GPC6: variants seen among roughly 807,000 people sequenced by gnomAD.
The protein encoded by GPC6 is glypican 6, also known as glypican-6.
Under a neutral mutation model 55.2 loss-of-function variants are expected in GPC6, and 14 were observed. That is an observed-to-expected ratio of 0.25 (90% confidence interval 0.17 to 0.40). GPC6 has a LOEUF of 0.40. Ranked by LOEUF, GPC6 falls within the 10% of genes least tolerant of loss-of-function variation. GPC6 has a pLI of 1.00. For missense variants in GPC6, 641 were observed against 708.5 expected (o/e 0.90, Z 1.08); for synonymous variants, 278 against 259.6 (o/e 1.07, Z -0.68).
intron 1 of GPC6, among the ~76,000 whole-genome samples, chr13:93,399,364 GC>G (rs1187603568): frequency 1.3e-5 from 2 of 152,290 alleles, no homozygotes; most frequent in East Asian, 3.9e-4. Context: ...CAGAAACCAT[GC>G]CTGATTTGTT....
chr13:93,739,369 CTT>C (rs1334937964), intron 2 of GPC6, among the ~76,000 whole-genome samples: 2 of 151,606 alleles, frequency 1.3e-5, no homozygotes, highest in African/African-American at 2.4e-5. Context: ...TCAAAAGAAA[CTT>C]TTAATTATAC....
intron 2 of GPC6, among the ~76,000 whole-genome samples, chr13:93,793,060 G>A (rs890288147): frequency 6.6e-6 from 1 of 152,094 alleles, no homozygotes; most frequent in Non-Finnish European, 1.5e-5. Context: ...TTTGAAATGA[G>A]GACCTATTAA....
chr13:93,250,370 A>G (rs887512554), intron 1 of GPC6, among the ~76,000 whole-genome samples: 2 of 152,180 alleles, frequency 1.3e-5, no homozygotes, highest in South Asian at 2.1e-4. Flanking sequence ...GCTGGCCTGC[A>G]TATCTGGGGG....
intron 6 of GPC6, 105 bp downstream of exon 6, chr13:94,306,228 C>G: frequency 9.0e-7 from 1 of 1,110,008 alleles, no homozygotes; most frequent in Non-Finnish European, 1.4e-6. Flanking sequence ...AGAGTCATCT[C>G]ATGCTTATAT....
intron 4 of GPC6, among the ~76,000 whole-genome samples, chr13:94,046,438 G>T (rs1007594106): frequency 6.6e-6 from 1 of 151,972 alleles, no homozygotes. Flanking sequence ...TTATTGTGTG[G>T]ACATGCCTCA....
At position 93,642,454 on chromosome 13, in the gene GPC6, A is replaced by C. The variant is rs572368021; in HGVS notation, c.319+97033A>C. 1.2e-4 allele frequency among the ~76,000 whole-genome samples: 18 copies of C among 152,162 alleles called. No individual in the cohort carries two copies. In the South Asian group the frequency reaches 3.7e-3, roughly 32 times the overall value. Reference sequence around the variant, plus strand: ...TTGGGAATAGCACTGCAATGAACATATGTGTGTGTGCTTGTGTCCTTTTGG... The same window carrying C: ...TTGGGAATAGCACTGCAATGAACATCTGTGTGTGTGCTTGTGTCCTTTTGG... On this transcript the variant is annotated intron_variant, in intron 2 of 8. Coordinates refer to ENST00000377047, the MANE Select transcript of GPC6 (RefSeq NM_005708.5).
At position 93,298,779 on chromosome 13, in the gene GPC6, C is replaced by T. The variant is rs561998594; in HGVS notation, c.160+71163C>T. 2.1e-4 allele frequency among the ~76,000 whole-genome samples: 32 copies of T among 152,060 alleles called. 1 individual carries two copies. The South Asian group carries it at 5.6e-3, about 27-fold the overall frequency. On this transcript the variant is annotated intron_variant, in intron 1 of 8. Coordinates refer to ENST00000377047, the MANE Select transcript of GPC6 (RefSeq NM_005708.5). ...TCTGTCTTTTTCAAACCATCCCCTG[C>T]GTACTGCCTGACGTGGATTTTCTCT...
At chr13:93,977,389 T>G (rs1211476855) in intron 3 of GPC6, among the ~76,000 whole-genome samples, 2 of 152,060 alleles carry the variant, frequency 1.3e-5, no homozygotes, top group African/African-American at 4.8e-5. Context: ...CATTTATGCT[T>G]TATTATTTAA....
chr13:93,433,651 AAAT>A (rs1877457052), intron 1 of GPC6, among the ~76,000 whole-genome samples: 1 of 152,170 alleles, frequency 6.6e-6, no homozygotes, highest in African/African-American at 2.4e-5. Context: ...AGATATTATA[AAAT>A]AATAACCTTG....
chr13:93,271,533 T>C (rs1276449545), intron 1 of GPC6, among the ~76,000 whole-genome samples: 1 of 152,018 alleles, frequency 6.6e-6, no homozygotes, highest in Admixed American at 6.6e-5. Flanking sequence ...AGAGTATAGA[T>C]GTACTCTTAC....
chr13:94,098,063 G>T (rs1441270454), intron 4 of GPC6, among the ~76,000 whole-genome samples: 1 of 152,182 alleles, frequency 6.6e-6, no homozygotes, highest in Non-Finnish European at 1.5e-5. Flanking sequence ...AGAGCTCATG[G>T]TCCAAGTCAG....
intron 4 of GPC6, among the ~76,000 whole-genome samples, chr13:94,225,422 C>G (rs540152489): frequency 3.3e-5 from 5 of 152,074 alleles, no homozygotes; most frequent in Non-Finnish European, 4.4e-5. Flanking sequence ...TCACATTACT[C>G]TCATACGGAC....
intron 6 of GPC6, among the ~76,000 whole-genome samples, chr13:94,361,042 AG>A (rs1879037561): frequency 6.6e-6 from 1 of 152,212 alleles, no homozygotes; most frequent in South Asian, 2.1e-4. Flanking sequence ...CTAAACAAAA[AG>A]GTCACCATAG....
intron 2 of GPC6, among the ~76,000 whole-genome samples, chr13:93,572,983 A>G (rs1320516647): frequency 6.6e-6 from 1 of 152,160 alleles, no homozygotes; most frequent in Non-Finnish European, 1.5e-5. Flanking sequence ...TCAGGTCAGA[A>G]TCAGATATCA....
intron 6 of GPC6, among the ~76,000 whole-genome samples, chr13:94,341,580 C>T (rs183710874): frequency 1.6e-3 from 226 of 138,632 alleles, no homozygotes; most frequent in Non-Finnish European, 3.0e-3. Context: ...AGCAAAACTC[C>T]GTCTCAAAAA....
chr13:93,295,480 T>C (rs1400745184), intron 1 of GPC6, among the ~76,000 whole-genome samples: 1 of 151,866 alleles, frequency 6.6e-6, no homozygotes. Flanking sequence ...TGTTTTGTTT[T>C]GTTTTGTTTT....
intron 1 of GPC6, among the ~76,000 whole-genome samples, chr13:93,231,387 A>ATATATATG (rs1594041832): frequency 2.6e-4 from 6 of 22,976 alleles, no homozygotes; most frequent in South Asian, 3.1e-3. Context: ...ATACATATAT[A>ATATATATG]TATATATATG....
At chr13:93,515,193 A>G (rs890191900) in intron 1 of GPC6, among the ~76,000 whole-genome samples, 2 of 152,094 alleles carry the variant, frequency 1.3e-5, no homozygotes, top group Non-Finnish European at 2.9e-5. Context: ...TCATCTTTAA[A>G]TCAGGCGAAG....
At chr13:93,885,694 CAGAA>C (rs1875281049) in intron 3 of GPC6, among the ~76,000 whole-genome samples, 1 of 152,156 alleles carries the variant, frequency 6.6e-6, no homozygotes, top group South Asian at 2.1e-4. Flanking sequence ...CTGTAGGTGT[CAGAA>C]AGAACTGGTT....
Sources: allele counts gnomAD v4.1 joint callset (sites outside exome capture counted in the v4.1 genomes callset), GRCh38; gene constraint gnomAD v4.1.1; transcripts MANE v1.5; gene names NCBI Gene and HGNC (gene_info 2026-07-23, HGNC 2026-07-21).